POM121C: variants seen among roughly 807,000 people sequenced by gnomAD.
POM121C encodes nuclear envelope pore membrane protein POM 121C.
A neutral mutation model predicts 66.4 loss-of-function variants in POM121C; 20 were observed. That is an observed-to-expected ratio of 0.30 (90% CI 0.21 to 0.44). The LOEUF (loss-of-function observed/expected upper bound fraction) is 0.44, where lower values mean the gene tolerates loss of function less well. POM121C is among the 20% of genes least tolerant of loss of function. The pLI, the probability that POM121C is intolerant of heterozygous loss-of-function variation, is 1.00. For missense variants in POM121C, 580 were observed against 1,225.7 expected (o/e 0.47, Z 7.87); for synonymous variants, 286 against 528.0 (o/e 0.54, Z 6.28).
chr7:75,473,781 C>T (rs1230707511), intron 3 of POM121C, among the ~76,000 whole-genome samples: 2 of 151,518 alleles, frequency 1.3e-5, no homozygotes, highest in Admixed American at 6.6e-5. Context: ...CTCCGCCTCC[C>T]GTGTTCACGC....
intron 3 of POM121C, among the ~76,000 whole-genome samples, chr7:75,458,909 C>G (rs1394509108): frequency 6.6e-6 from 1 of 152,068 alleles, no homozygotes; most frequent in Non-Finnish European, 1.5e-5. Context: ...TTTAGATGAG[C>G]TATCTTATAA....
At chr7:75,434,949 G>A (rs1157158021) in intron 7 of POM121C, among the ~76,000 whole-genome samples, 1 of 152,146 alleles carries the variant, frequency 6.6e-6, no homozygotes, top group Non-Finnish European at 1.5e-5. Flanking sequence ...TGAGGCCAGG[G>A]AGAAATGGTC....
chr7:75,456,343 A>G (rs1341334181), intron 3 of POM121C, among the ~76,000 whole-genome samples: 1 of 152,296 alleles, frequency 6.6e-6, no homozygotes, highest in African/African-American at 2.4e-5. Flanking sequence ...AGGCTATGTC[A>G]AAACTAGGGA....
intron 5 of POM121C, among the ~76,000 whole-genome samples, chr7:75,439,691 A>C (rs1279354327): frequency 6.6e-6 from 1 of 151,984 alleles, no homozygotes; most frequent in African/African-American, 2.4e-5. Context: ...CAGCCTTATA[A>C]AATGGTGTTT....
chr7:75,456,640 C>T (rs76651667), intron 3 of POM121C, among the ~76,000 whole-genome samples: 1 of 152,230 alleles, frequency 6.6e-6, no homozygotes. Flanking sequence ...CTGCCTGTTG[C>T]GAGATGGGAC....
intron 6 of POM121C, 62 bp from the exon 7 acceptor site, chr7:75,437,748 C>CTTTT (rs1790471295): frequency 6.6e-7 from 1 of 1,510,450 alleles, no homozygotes; most frequent in African/African-American, 1.4e-5. Context: ...CGATTTCATC[C>CTTTT]ACGGTCATGA....
At chr7:75,446,712 A>G (rs587674869) in intron 3 of POM121C, among the ~76,000 whole-genome samples, 1 of 152,196 alleles carries the variant, frequency 6.6e-6, no homozygotes, top group South Asian at 2.1e-4. Flanking sequence ...GAAAATGTAT[A>G]TAGGAATAAA....
intron 3 of POM121C, among the ~76,000 whole-genome samples, chr7:75,469,533 G>A (rs2116509905): frequency 6.6e-6 from 1 of 152,262 alleles, no homozygotes; most frequent in East Asian, 1.9e-4. Flanking sequence ...GTTCTCCTAT[G>A]AACTGTTCTC....
rs587652443 is a variant in POM121C, at chr7:75,423,892, C to T, written c.1048+157G>A. 2.4e-3 allele frequency among the ~76,000 whole-genome samples: 361 copies of T among 152,322 alleles called. 3 individuals are homozygous for T. The highest frequency in any genetic ancestry group is 7.9e-3 in the African/African-American group (330 of 41,572). On this transcript the variant is annotated intron_variant, in intron 12 of 14. Coordinates refer to ENST00000615331, the MANE Select transcript of POM121C (RefSeq NM_001099415.3). ...CTCTAACACTTCCTGATGTGGGCTC[C>T]GGCGCTGTTAAACGTAGGCCCGCTC...
intron 3 of POM121C, among the ~76,000 whole-genome samples, chr7:75,447,253 AT>A: frequency 6.6e-6 from 1 of 152,170 alleles, no homozygotes; most frequent in South Asian, 2.1e-4. Context: ...AAGTTGAGAT[AT>A]GGAAAAATAT....
At chr7:75,466,164 T>C (rs1327675666) in intron 3 of POM121C, among the ~76,000 whole-genome samples, 4 of 148,604 alleles carry the variant, frequency 2.7e-5, no homozygotes, top group Admixed American at 6.8e-5. Flanking sequence ...GCAGCCAAAG[T>C]AAACTTTAGG....
At chr7:75,472,134 C>T (rs1791904098) in intron 3 of POM121C, among the ~76,000 whole-genome samples, 1 of 151,916 alleles carries the variant, frequency 6.6e-6, no homozygotes, top group South Asian at 2.1e-4. Flanking sequence ...GATCCGCCCA[C>T]CTCGGCCTCC....
intron 13 of POM121C, chr7:75,420,939 T>C (rs2116322037): frequency 6.0e-6 from 1 of 165,832 alleles, no homozygotes. Flanking sequence ...CTGAAAGGCA[T>C]GTCCACTTGT....
chr7:75,483,195 T>C (rs1554480384), intron 1 of POM121C, among the ~76,000 whole-genome samples: 1 of 152,226 alleles, frequency 6.6e-6, no homozygotes, highest in Non-Finnish European at 1.5e-5. Context: ...TCTGCTTACA[T>C]AAGCACCAAG....
Position 75,486,075 on chromosome 7 carries a change from T to A in POM121C, c.-669A>T. On this transcript the variant is annotated 5_prime_UTR_variant, in exon 1 of 15. Coordinates refer to ENST00000615331, the MANE Select transcript of POM121C (RefSeq NM_001099415.3). ...CCGCCTCCCTGGGGCTCCCGGCCCC[T>A]CTGGCCCCAGCGCCGCCGGCTCCGG... The A allele has an allele frequency of 4.9e-6, 2 of 404,718 alleles. No homozygotes were observed. The highest frequency in any genetic ancestry group is 1.7e-5 in the South Asian group (1 of 57,396). 25.1% of individuals were successfully genotyped at this position (404,718 alleles called of 1,614,324 possible).
rs1554470684 is a variant in POM121C, at chr7:75,421,708, G to A, written c.2544C>T (p.Ser848=). 6.2e-6 allele frequency: 10 copies of A among 1,608,730 alleles called. No individual in the cohort carries two copies. Among genetic ancestry groups the A allele is most frequent in the Non-Finnish European group, 8.5e-6 (10 of 1,178,334 alleles). ...CTGGGGTGGCCACGTTGATCCCAAA[G>A]CTCCCACTGCCAGCGGGGGCTGCCG... ...GGSAAPAGSG[S]FGINVATPGS... is the part of the protein sequence containing the mutation. Residue 848 remains serine (S), a synonymous_variant, in exon 13 of 15, where the codon AGC becomes AGT. Coordinates refer to ENST00000615331, the MANE Select transcript of POM121C (RefSeq NM_001099415.3).
At chr7:75,441,146 G>A (rs1554473919) in intron 4 of POM121C, 31 bp from the exon 5 acceptor site, 8 of 1,608,518 alleles carry the variant, frequency 5.0e-6, no homozygotes, top group Non-Finnish European at 5.9e-6. Flanking sequence ...CTAGCCGTAA[G>A]ATATTTTAAT....
intron 7 of POM121C, among the ~76,000 whole-genome samples, chr7:75,434,826 C>T (rs1410363467): frequency 6.6e-6 from 1 of 151,932 alleles, no homozygotes; most frequent in African/African-American, 2.4e-5. Flanking sequence ...CTGCCTGCCT[C>T]GGACTCTCAA....
intron 6 of POM121C, among the ~76,000 whole-genome samples, chr7:75,438,438 C>T (rs1790499999): frequency 6.6e-6 from 1 of 152,168 alleles, no homozygotes; most frequent in Admixed American, 6.6e-5. Context: ...AGATTTTTCT[C>T]CTCTGGGTTA....
Sources: allele counts gnomAD v4.1 joint callset (sites outside exome capture counted in the v4.1 genomes callset), GRCh38; gene constraint gnomAD v4.1.1; transcripts MANE v1.5; gene names NCBI Gene and HGNC (gene_info 2026-07-23, HGNC 2026-07-21).